EPHA6: variants seen among roughly 807,000 people sequenced by gnomAD.
EPHA6 encodes the protein EPH receptor A6, also known as ephrin type-A receptor 6.
EPHA6 carries 50 observed loss-of-function variants against 112.0 expected under a neutral mutation model. The observed-to-expected ratio is 0.45, with a 90% CI of 0.36 to 0.56. The LOEUF (loss-of-function observed/expected upper bound fraction) is 0.56. EPHA6 is among the 20% of genes least tolerant of loss of function. The pLI, the probability that EPHA6 is intolerant of heterozygous loss-of-function variation, is 0.00. For synonymous variants in EPHA6, 529 were observed against 490.7 expected, an observed-to-expected ratio of 1.08 and a Z score of -1.03; for missense variants, 1,280 against 1,417.4, an observed-to-expected ratio of 0.90 and a Z score of 1.56.
At chr3:96,993,087 A>G (rs2043275118) in intron 3 of EPHA6, among the ~76,000 whole-genome samples, 1 of 152,082 alleles carries the variant, frequency 6.6e-6, no homozygotes, top group Non-Finnish European at 1.5e-5. Context: ...GAAATAAGTA[A>G]ATTTTCTTGA....
At chr3:97,356,876 G>A (rs2084105495) in intron 5 of EPHA6, among the ~76,000 whole-genome samples, 1 of 151,832 alleles carries the variant, frequency 6.6e-6, no homozygotes, top group Non-Finnish European at 1.5e-5. Context: ...ATTGACAATG[G>A]GTATTGATGT....
chr3:97,530,819 T>C (rs570757214), intron 10 of EPHA6, among the ~76,000 whole-genome samples: 1 of 152,122 alleles, frequency 6.6e-6, no homozygotes, highest in South Asian at 2.1e-4. Context: ...CCTTGTTTCC[T>C]TCCTGGTTAT....
intron 14 of EPHA6, among the ~76,000 whole-genome samples, chr3:97,709,504 T>G (rs1029021611): frequency 6.6e-6 from 1 of 152,242 alleles, no homozygotes; most frequent in Non-Finnish European, 1.5e-5. Context: ...TGGAAGGGAC[T>G]TGCTGTCCCA....
rs560258398 is a variant in EPHA6, at chr3:97,424,140, C to A, written c.1731+18866C>A. On this transcript the variant is annotated intron_variant, in intron 6 of 17. Coordinates refer to ENST00000389672, the MANE Select transcript of EPHA6 (RefSeq NM_001080448.3). The stretch of plus-strand genomic sequence containing the variant: ...AAGTTATGTCTTACATGGCAGCAGG[C>A]AAGAGCAAGTTTGTGCATAGGAACT... Among the ~76,000 whole-genome samples the A allele has an allele frequency of 9.9e-4, 151 of 152,224 alleles. 1 individual carries two copies. The highest frequency in any genetic ancestry group is 3.5e-3 in the African/African-American group (145 of 41,550).
intron 2 of EPHA6, among the ~76,000 whole-genome samples, chr3:96,918,071 T>C (rs1455561140): frequency 6.6e-6 from 1 of 152,194 alleles, no homozygotes; most frequent in Non-Finnish European, 1.5e-5. Context: ...GCACCCTCCC[T>C]CTACCCCCAT....
At chr3:97,518,871 G>C (rs1331147196) in intron 10 of EPHA6, among the ~76,000 whole-genome samples, 1 of 151,794 alleles carries the variant, frequency 6.6e-6, no homozygotes. Context: ...TGGGTTGTTT[G>C]AGTTCCTTGT....
intron 11 of EPHA6, among the ~76,000 whole-genome samples, chr3:97,585,533 C>T (rs1374235085): frequency 1.3e-5 from 2 of 152,078 alleles, no homozygotes; most frequent in African/African-American, 4.8e-5. Flanking sequence ...CTTTTTGCTT[C>T]AATACATTTA....
At chr3:97,196,744 C>T (rs1430314593) in intron 3 of EPHA6, among the ~76,000 whole-genome samples, 1 of 151,904 alleles carries the variant, frequency 6.6e-6, no homozygotes, top group Non-Finnish European at 1.5e-5. Flanking sequence ...CGTAGAAGTC[C>T]TGTCTCGGTG....
chr3:97,500,899 T>G (rs2092100841), intron 10 of EPHA6, among the ~76,000 whole-genome samples: 1 of 152,136 alleles, frequency 6.6e-6, no homozygotes, highest in Admixed American at 6.6e-5. Flanking sequence ...CTTCATATAA[T>G]AGGAAGCCAT....
intron 2 of EPHA6, among the ~76,000 whole-genome samples, chr3:96,946,420 C>T (rs545276906): frequency 4.0e-5 from 6 of 151,446 alleles, no homozygotes; most frequent in East Asian, 2.0e-4. Flanking sequence ...TGAGAACATG[C>T]GGTGTTTCGT....
intron 4 of EPHA6, among the ~76,000 whole-genome samples, chr3:97,227,236 T>C (rs1201966873): frequency 8.6e-5 from 13 of 151,820 alleles, no homozygotes; most frequent in Admixed American, 2.6e-4. Flanking sequence ...TTTTTTTTTT[T>C]CGAGACAGAG....
intron 2 of EPHA6, among the ~76,000 whole-genome samples, chr3:96,978,159 C>G (rs2042607646): frequency 6.6e-6 from 1 of 152,052 alleles, no homozygotes; most frequent in Non-Finnish European, 1.5e-5. Context: ...GACCCTATCT[C>G]AGAAAAAGAA....
intron 3 of EPHA6, among the ~76,000 whole-genome samples, chr3:97,196,939 A>G (rs2077457501): frequency 6.6e-6 from 1 of 152,060 alleles, no homozygotes; most frequent in African/African-American, 2.4e-5. Flanking sequence ...TGAATCCAGC[A>G]TAGCACTGGG....
At chr3:97,293,989 C>A (rs2080788621) in intron 5 of EPHA6, among the ~76,000 whole-genome samples, 1 of 152,246 alleles carries the variant, frequency 6.6e-6, no homozygotes, top group Non-Finnish European at 1.5e-5. Flanking sequence ...TGGGGCACAA[C>A]AGCACCCAGG....
chr3:97,696,718 A>C (rs1168946787), intron 14 of EPHA6, among the ~76,000 whole-genome samples: 1 of 152,172 alleles, frequency 6.6e-6, no homozygotes, highest in African/African-American at 2.4e-5. Flanking sequence ...CTGAGTGTGT[A>C]CTATGGTCCA....
At chr3:97,449,096 C>G (rs758090226) in intron 7 of EPHA6, among the ~76,000 whole-genome samples, 61 of 152,034 alleles carry the variant, frequency 4.0e-4, no homozygotes, top group Non-Finnish European at 4.4e-5. Context: ...GCAGCTTTGG[C>G]CTTTTATCTC....
At position 97,154,312 on chromosome 3, in the gene EPHA6, A is replaced by G. The variant is rs547279423; in HGVS notation, c.1115-71952A>G. Among the ~76,000 whole-genome samples the G allele has an allele frequency of 8.5e-5, 13 of 152,144 alleles. No homozygotes were observed. In the South Asian group the frequency reaches 2.1e-3, roughly 24 times the overall value. ...ATTTTCATTTTCTTCCCCTATGTATATTTCTACTATGTACCCTTTAAAATT... is the reference window on the plus strand; with the variant it reads ...ATTTTCATTTTCTTCCCCTATGTATGTTTCTACTATGTACCCTTTAAAATT... On this transcript the variant is annotated intron_variant, in intron 3 of 17. Transcript: ENST00000389672.
chr3:97,760,611 T>C lies in EPHA6; in HGVS notation c.*11910T>C, dbSNP rs2036138629. On this transcript the variant is annotated 3_prime_UTR_variant, in exon 18 of 18. Transcript: ENST00000389672. ...ACACTTTAAATTTTAAATGGCCGCA[T>C]CAAATTTTAAATGGTAGATGATATC... The C allele has an allele frequency of 5.6e-6, 1 of 179,460 alleles. No homozygotes were observed. The highest frequency in any genetic ancestry group is 6.3e-5 in the Admixed American group (1 of 15,832). 11.1% of individuals were successfully genotyped at this position (179,460 alleles called of 1,614,324 possible).
chr3:97,007,605 A>T (rs932039576), intron 3 of EPHA6, among the ~76,000 whole-genome samples: 3 of 152,160 alleles, frequency 2.0e-5, no homozygotes, highest in Non-Finnish European at 4.4e-5. Flanking sequence ...GCCCATTTAC[A>T]TTTAAGGTTA....
Sources: allele counts gnomAD v4.1 joint callset (sites outside exome capture counted in the v4.1 genomes callset), GRCh38; gene constraint gnomAD v4.1.1; transcripts MANE v1.5; gene names NCBI Gene and HGNC (gene_info 2026-07-23, HGNC 2026-07-21).